Variants in PSMC2 observed in about 807,000 individuals in gnomAD.
The protein encoded by PSMC2 is proteasome 26S subunit, ATPase 2.
In PSMC2, 7 loss-of-function variants were observed where a neutral mutation model predicts 53.3. The observed-to-expected ratio is 0.13, with a 90% CI of 0.07 to 0.25. PSMC2 has a LOEUF of 0.25. PSMC2 is among the 10% of genes least tolerant of loss of function. PSMC2 has a pLI of 1.00. For missense variants in PSMC2, 241 were observed against 544.0 expected (o/e 0.44, Z 5.54); for synonymous variants, 169 against 183.9 (o/e 0.92, Z 0.66).
intron 5 of PSMC2, 187 bp from the exon 6 acceptor site, chr7:103,362,498 GT>G: frequency 7.1e-7 from 1 of 1,412,976 alleles, no homozygotes; most frequent in Non-Finnish European, 9.2e-7. Flanking sequence ...TGGATAGGTT[GT>G]TTGCGACATT....
intron 2 of PSMC2, among the ~76,000 whole-genome samples, 176 bp downstream of exon 2, chr7:103,354,134 C>G (rs1819889010): frequency 6.6e-6 from 1 of 152,086 alleles, no homozygotes; most frequent in Admixed American, 6.5e-5. Context: ...TTCTAGTAAT[C>G]TTCACTAAAT....
chr7:103,362,376 T>A, intron 5 of PSMC2: 1 of 1,338,620 alleles, frequency 7.5e-7, no homozygotes, highest in Non-Finnish European at 9.5e-7. Flanking sequence ...GGGGAGTACT[T>A]GCTTTAGGAT....
chr7:103,363,226 T>G, intron 6 of PSMC2, 118 bp from the exon 7 acceptor site: 3 of 770,686 alleles, frequency 3.9e-6, no homozygotes, highest in Non-Finnish European at 6.3e-6. Flanking sequence ...GTATTCAATT[T>G]TTATTAAAAT....
In PSMC2 at chr7:103,362,681, C is replaced by T; in HGVS notation, c.423-5C>T. The T allele has an allele frequency of 1.3e-6, 2 of 1,598,128 alleles. No homozygotes were observed. The highest frequency in any genetic ancestry group is 1.7e-4 in the Middle Eastern group (1 of 6,028). On this transcript the variant is annotated splice_region_variant and splice_polypyrimidine_tract_variant and intron_variant, in intron 5 of 11. Transcript: ENST00000292644. ...TATTAATGACTATCTTTTTTACTTC[C>T]TTAGCGTGGATAGAAATAAATATCA...
In PSMC2 at chr7:103,353,902, A is replaced by AT. The variant is rs780492229; in HGVS notation, c.71-17dup. 12 of 1,596,710 alleles carry AT rather than the reference A, an allele frequency of 7.5e-6. No homozygotes were observed. Among genetic ancestry groups the AT allele is most frequent in the Non-Finnish European group, 9.4e-6 (11 of 1,168,838 alleles). On this transcript the variant is annotated intron_variant, in intron 1 of 11. Transcript: ENST00000292644. ...TCTAGTTTCTTTTTGAATCTCACGT[A>AT]TTGTCTCTCTTCTTTCAGCTCTGGA...
chr7:103,364,113 G>T, intron 7 of PSMC2, 30 bp from the exon 8 acceptor site: 1 of 1,604,748 alleles, frequency 6.2e-7, no homozygotes, highest in East Asian at 2.2e-5. Flanking sequence ...TACAGAAGTG[G>T]TAAGTGTGAA....
chr7:103,363,889 A>G (rs897526043), intron 7 of PSMC2, among the ~76,000 whole-genome samples: 2 of 152,198 alleles, frequency 1.3e-5, no homozygotes, highest in Non-Finnish European at 2.9e-5. Context: ...AAGACTGGAT[A>G]ATGGAAGTGC....
At chr7:103,363,545 ATGAGAGTTTTT>A in intron 7 of PSMC2, 106 bp downstream of exon 7, 1 of 1,016,508 alleles carries the variant, frequency 9.8e-7, no homozygotes, top group South Asian at 1.4e-5. Flanking sequence ...ATTTTCCCTA[ATGAGAGTTTTT>A]TGAGAGGGTG....
Position 103,348,777 on chromosome 7 carries a change from C to T in PSMC2, c.70+996C>T. 4 of 981,516 alleles carry T rather than the reference C, an allele frequency of 4.1e-6. No individual in the cohort carries two copies. In the East Asian group the frequency reaches 7.3e-5, roughly 18 times the overall value. The allele number at this position is 981,516 out of a possible 1,614,324, so 60.8% of individuals were successfully genotyped here. A position where few individuals can be genotyped will look rare whatever the true frequency, so the allele number is the denominator to read the frequency against. ...GTTTCATTAAGTTGGACTAAGTGAT[C>T]TTCCTTCAAAGGATTATCCAAGGCA... On this transcript the variant is annotated intron_variant, in intron 1 of 11. Coordinates refer to ENST00000292644, the MANE Select transcript of PSMC2 (RefSeq NM_002803.4).
Position 103,355,694 on chromosome 7 carries a change from G to T in PSMC2, c.191G>T (p.Gly64Val). The T allele has an allele frequency of 6.2e-7, 1 of 1,609,930 alleles. No homozygotes were observed. The change falls in exon 4 of 12, where the codon GGT becomes GTT. Residue 64 changes from glycine (G) to valine (V), a missense_variant and splice_region_variant. Around this residue, in one of 6 missense-constraint regions of PSMC2, gnomAD observed 75 missense variants for 185.1 expected, o/e 0.41. Transcript: ENST00000292644. ...QLLKKINELT[G>V]IKESDTGLAP... is the part of the protein sequence containing the mutation. ...AATTTTGTCATCTTTCTCTATGTAG[G>T]TATTAAAGAATCTGACACTGGCCTG...
chr7:103,368,158 C>CTTT lies in PSMC2; in HGVS notation c.*108_*110dup. On this transcript the variant is annotated 3_prime_UTR_variant, in exon 12 of 12. Transcript: ENST00000292644. ...AAATAAATGGCTTCAAAATTGTATGCTTTTTTCCATATCTCTTCTTGTAAT... is the reference window on the plus strand; with the variant it reads ...AAATAAATGGCTTCAAAATTGTATGCTTTTTTTTTCCATATCTCTTCTTGTAAT... The CTTT allele has an allele frequency of 9.9e-7, 1 of 1,009,538 alleles. No individual in the cohort carries two copies. The highest frequency in any genetic ancestry group is 1.4e-6 in the Non-Finnish European group (1 of 713,494). 62.5% of individuals were successfully genotyped at this position (1,009,538 alleles called of 1,614,324 possible).
chr7:103,354,832 C>A (rs371479022), intron 2 of PSMC2, 36 bp from the exon 3 acceptor site: 8 of 1,335,146 alleles, frequency 6.0e-6, no homozygotes, highest in Non-Finnish European at 6.4e-6. Context: ...TGGTTGATAT[C>A]CTGATATTCT....
intron 1 of PSMC2, among the ~76,000 whole-genome samples, chr7:103,352,407 C>CT (rs781095017): frequency 0.1 from 12,084 of 118,680 alleles, 789 homozygotes; most frequent in South Asian, 0.13. Flanking sequence ...AGATTATAAT[C>CT]TTTTTTTTTT....
chr7:103,364,142 G>A lies in PSMC2; in HGVS notation c.592-1G>A. On this transcript the variant is annotated splice_acceptor_variant, in intron 7 of 11. Coordinates refer to ENST00000292644, the MANE Select transcript of PSMC2 (RefSeq NM_002803.4). LOFTEE classifies it high-confidence loss of function. ...GTGTGAAAATTGTGTCTCTATCACA[G>A]CCAGAGAGGTTTGTGAACCTTGGCA... The A allele has an allele frequency of 6.2e-7, 1 of 1,613,446 alleles. No individual in the cohort carries two copies. The highest frequency in any genetic ancestry group is 8.5e-7 in the Non-Finnish European group (1 of 1,179,834).
chr7:103,348,647 A>C, intron 1 of PSMC2: 3 of 1,487,132 alleles, frequency 2.0e-6, no homozygotes, highest in East Asian at 2.3e-5. Flanking sequence ...AAATTCGGCC[A>C]GGGTTCTCGC....
At chr7:103,357,958 G>A (rs1467095358) in intron 4 of PSMC2, among the ~76,000 whole-genome samples, 1 of 152,036 alleles carries the variant, frequency 6.6e-6, no homozygotes, top group Non-Finnish European at 1.5e-5. Context: ...ACCTGCTTTG[G>A]TTTGGACCAG....
At chr7:103,363,537 T>A (rs1820530077) in intron 7 of PSMC2, 98 bp downstream of exon 7, 1 of 1,088,948 alleles carries the variant, frequency 9.2e-7, no homozygotes, top group African/African-American at 1.6e-5. Context: ...CTTTTAATAT[T>A]TTCCCTAATG....
intron 1 of PSMC2, chr7:103,348,523 T>G: frequency 1.5e-6 from 1 of 677,164 alleles, no homozygotes; most frequent in Non-Finnish European, 2.7e-6. Flanking sequence ...TTATTATTGA[T>G]GGACGTGTAG....
chr7:103,355,595 A>G, intron 3 of PSMC2, 99 bp from the exon 4 acceptor site: 2 of 877,834 alleles, frequency 2.3e-6, no homozygotes, highest in Non-Finnish European at 3.7e-6. Flanking sequence ...CTCACAATGA[A>G]TGATTCAGTG....
Sources: allele counts gnomAD v4.1 joint callset (sites outside exome capture counted in the v4.1 genomes callset), GRCh38; gene constraint gnomAD v4.1.1; regional missense constraint gnomAD v4.1.1; transcripts MANE v1.5; gene names NCBI Gene and HGNC (gene_info 2026-07-23, HGNC 2026-07-21).